The following BRF1 variants were observed in gnomAD, a reference collection of about 807,000 sequenced individuals.
BRF1 encodes transcription factor IIIB 90 kDa subunit.
BRF1 carries 59 observed loss-of-function variants against 81.7 expected under a neutral mutation model. The observed-to-expected ratio is 0.72, with a 90% CI of 0.59 to 0.90. The LOEUF (loss-of-function observed/expected upper bound fraction) is 0.90. Ranked by LOEUF, BRF1 falls within the 40% of genes least tolerant of loss-of-function variation. The pLI, the probability that BRF1 is intolerant of heterozygous loss-of-function variation, is 0.00. For missense variants in BRF1, 1,050 were observed against 936.3 expected (o/e 1.12, Z -1.58); for synonymous variants, 491 against 395.6 (o/e 1.24, Z -2.86).
At chr14:105,214,519 C>T (rs1303209778) in intron 15 of BRF1, among the ~76,000 whole-genome samples, 1 of 118,666 alleles carries the variant, frequency 8.4e-6, no homozygotes, top group Non-Finnish European at 1.7e-5. Context: ...GCTGCCCACA[C>T]CCCTGCGTGG....
intron 1 of BRF1, among the ~76,000 whole-genome samples, chr14:105,311,201 A>G (rs2058341938): frequency 2.0e-5 from 3 of 152,042 alleles, no homozygotes; most frequent in Non-Finnish European, 2.9e-5. Flanking sequence ...TGATCCACCC[A>G]CTTCGGCCTC....
intron 1 of BRF1, among the ~76,000 whole-genome samples, chr14:105,289,694 G>T (rs906641270): frequency 3.9e-5 from 6 of 152,128 alleles, no homozygotes; most frequent in Non-Finnish European, 5.9e-5. Flanking sequence ...GGAGTGTAGT[G>T]GTGCGATCTC....
intron 7 of BRF1, 154 bp from the exon 8 acceptor site, chr14:105,226,914 G>T (rs918106793): frequency 9.4e-7 from 1 of 1,060,222 alleles, no homozygotes; most frequent in Non-Finnish European, 1.4e-6. Context: ...TTTGAGACCA[G>T]CCTAGGCAAC....
At chr14:105,244,041 G>A (rs906572744) in intron 5 of BRF1, among the ~76,000 whole-genome samples, 18 of 152,036 alleles carry the variant, frequency 1.2e-4, no homozygotes, top group African/African-American at 4.3e-4. Context: ...AGGCAGAGTG[G>A]CTCATACCTA....
chr14:105,246,781 A>G (rs587621781), intron 5 of BRF1: 2 of 981,994 alleles, frequency 2.0e-6, no homozygotes, highest in South Asian at 9.4e-5. Context: ...TTTAAAAATC[A>G]AAGTGCAAAG....
Position 105,296,412 on chromosome 14 carries a change from C to T in BRF1, c.184+4034G>A, listed in dbSNP as rs367957454. 1.4e-4 allele frequency among the ~76,000 whole-genome samples: 21 copies of T among 152,094 alleles called. No individual in the cohort carries two copies. The East Asian group carries it at 3.9e-3, about 28-fold the overall frequency. ...CCTGTAATCCCAGCTACTTGGGAGGCTCAGGCAGGAGAATGGCATGAACCT... is the reference window on the plus strand; with the variant it reads ...CCTGTAATCCCAGCTACTTGGGAGGTTCAGGCAGGAGAATGGCATGAACCT... On this transcript the variant is annotated intron_variant, in intron 1 of 17. Transcript: ENST00000547530.
chr14:105,225,953 T>C (rs1355977649), intron 10 of BRF1, 116 bp downstream of exon 10: 5 of 1,112,578 alleles, frequency 4.5e-6, no homozygotes, highest in Middle Eastern at 3.0e-4. Context: ...GTGGTAAACT[T>C]ACATTCTGTA....
In BRF1 at chr14:105,300,824, G is replaced by C. The variant is rs1004796080; in HGVS notation, c.-195C>G. ...CGCGCCGCCCGCAACGGCCGCGCCC[G>C]CGGGATGGGACAGGCACCGGGACCA... On this transcript the variant is annotated 5_prime_UTR_variant, in exon 1 of 18. Transcript: ENST00000547530. The C allele has an allele frequency of 4.9e-6, 1 of 206,036 alleles. No individual in the cohort carries two copies. Among genetic ancestry groups the C allele is most frequent in the African/African-American group, 2.4e-5 (1 of 42,492 alleles). 12.8% of individuals were successfully genotyped at this position (206,036 alleles called of 1,614,324 possible).
At position 105,284,093 on chromosome 14, in the gene BRF1, G is replaced by C. The variant is rs587634511; in HGVS notation, c.265+2203C>G. On this transcript the variant is annotated intron_variant, in intron 2 of 17. Coordinates refer to ENST00000547530, the MANE Select transcript of BRF1 (RefSeq NM_001519.4). This position sits in a 1 kb window ranked among gnomAD's most constrained non-coding sequence, Gnocchi z 4.0. ...GACACAGAGAACCAGCCAGTGGAGAGGAAGAGGGATGTGCTGCGCTGCACC... is the reference window on the plus strand; with the variant it reads ...GACACAGAGAACCAGCCAGTGGAGACGAAGAGGGATGTGCTGCGCTGCACC... 6.6e-6 allele frequency among the ~76,000 whole-genome samples: 1 copy of C among 152,106 alleles called. No individual in the cohort carries two copies. The highest frequency in any genetic ancestry group is 2.1e-4 in the South Asian group (1 of 4,820).
upstream of BRF1, chr14:105,301,003 C>T (rs1028534608): frequency 1.3e-5 from 2 of 152,774 alleles, no homozygotes; most frequent in Non-Finnish European, 2.9e-5. Context: ...AGGACTGGCG[C>T]TTGGGGGCGG....
intron 3 of BRF1, among the ~76,000 whole-genome samples, chr14:105,268,842 C>T (rs587608356): frequency 4.6e-5 from 7 of 152,250 alleles, no homozygotes; most frequent in South Asian, 2.1e-4. Flanking sequence ...CAGAAGGTGA[C>T]GGGAGCTGTG....
rs1199103599 is a variant in BRF1, at chr14:105,314,464, G to GGGGCGGGGCGCCCC, written c.-162+844_-162+857dup. On this transcript the variant is annotated intron_variant, in intron 1 of 17. Coordinates refer to the BRF1 transcript ENST00000327359. ...CCCTTGCCCGCGGCTCCCGGGGGGCGGGGCGGGGCGCCCCGGGCGGGGTCT... is the reference window on the plus strand; with the variant it reads ...CCCTTGCCCGCGGCTCCCGGGGGGCGGGGCGGGGCGCCCCGGGCGGGGCGCCCCGGGCGGGGTCT... The GGGGCGGGGCGCCCC allele has an allele frequency of 4.8e-5, 7 of 145,290 alleles. No homozygotes were observed. The East Asian group carries it at 1.0e-3, about 21-fold the overall frequency. The allele number at this position is 145,290 out of a possible 1,614,324, so 9.0% of individuals were successfully genotyped here.
At chr14:105,246,658 T>C (rs113556684) in intron 5 of BRF1, among the ~76,000 whole-genome samples, 5,391 of 151,470 alleles carry the variant, frequency 0.036, 170 homozygotes, top group African/African-American at 0.086. Context: ...GGTTTCACCA[T>C]GTTGGCCAGG....
chr14:105,270,728 T>C (rs1413418222), intron 3 of BRF1, among the ~76,000 whole-genome samples: 1 of 151,498 alleles, frequency 6.6e-6, no homozygotes, highest in Non-Finnish European at 1.5e-5. Flanking sequence ...GAGGCAGAGG[T>C]TGCAGTAAGC....
At chr14:105,293,195 G>A (rs2057593684) in intron 1 of BRF1, among the ~76,000 whole-genome samples, 2 of 152,198 alleles carry the variant, frequency 1.3e-5, no homozygotes, top group South Asian at 4.1e-4. Context: ...AGGCTGGCCG[G>A]TCACATCCTT....
At chr14:105,264,880 C>T (rs1262852998) in intron 3 of BRF1, among the ~76,000 whole-genome samples, 1 of 151,552 alleles carries the variant, frequency 6.6e-6, no homozygotes, top group Non-Finnish European at 1.5e-5. Flanking sequence ...GGGTTCAACA[C>T]CTGATTAGAC....
At chr14:105,304,372 C>T (rs1173428244), upstream of BRF1, among the ~76,000 whole-genome samples, 4 of 152,064 alleles carry the variant, frequency 2.6e-5, no homozygotes, top group Non-Finnish European at 4.4e-5. Context: ...CCTGTAGTTC[C>T]AGCTACTCGG....
rs1049761577 is a variant in BRF1, at chr14:105,241,521, C to A, written c.545-107G>T. The A allele has an allele frequency of 4.3e-6, 6 of 1,392,994 alleles. No individual in the cohort carries two copies. In the African/African-American group the frequency reaches 7.1e-5, roughly 16 times the overall value. The allele number at this position is 1,392,994 out of a possible 1,614,324, so 86.3% of individuals were successfully genotyped here. A position where few individuals can be genotyped will look rare whatever the true frequency, so the allele number is the denominator to read the frequency against. ...GCAACCTGCACTTGTCTTTCCAGGC[C>A]CCCAGGCCCCCCACCAGTTCCCCTC... On this transcript the variant is annotated intron_variant, in intron 5 of 17. Coordinates refer to ENST00000547530, the MANE Select transcript of BRF1 (RefSeq NM_001519.4).
chr14:105,211,204 G>A lies in BRF1; in HGVS notation c.1914C>T (p.Ala638=), dbSNP rs748290747. Residue 638 remains alanine, a synonymous_variant, in exon 17 of 18, where the codon GCC becomes GCT. Coordinates refer to ENST00000547530, the MANE Select transcript of BRF1 (RefSeq NM_001519.4). ...LVESGPVSYH[A]DEEADEEEPD... ...GCTCCTCCTCGTCAGCCTCCTCGTCGGCGTGGTATGACACGGGCCCGCTCT... is the reference window on the plus strand; with the variant it reads ...GCTCCTCCTCGTCAGCCTCCTCGTCAGCGTGGTATGACACGGGCCCGCTCT... 13 of 1,611,728 alleles carry A rather than the reference G, an allele frequency of 8.1e-6. No individual in the cohort carries two copies. In the Admixed American group the frequency reaches 1.5e-4, roughly 19 times the overall value.
Sources: gnomAD v4.1 joint callset for allele counts (sites outside exome capture counted in the v4.1 genomes callset) on GRCh38, gnomAD v4.1.1 for gene constraint, Gnocchi (gnomAD v3.1) non-coding constraint, MANE v1.5 for transcripts, NCBI Gene and HGNC (gene_info 2026-07-23, HGNC 2026-07-21) for gene names.